Variants in PTPN4 observed in about 807,000 individuals in gnomAD.
PTPN4 encodes protein tyrosine phosphatase non-receptor type 4, also known as tyrosine-protein phosphatase non-receptor type 4.
Under a neutral mutation model 135.5 loss-of-function variants are expected in PTPN4, and 49 were observed. The observed-to-expected ratio is 0.36, with a 90% confidence interval of 0.29 to 0.46. PTPN4 has a LOEUF of 0.46. Ranked by LOEUF, PTPN4 falls within the 20% of genes least tolerant of loss-of-function variation. The pLI is 1.00. For missense variants in PTPN4, 860 were observed against 1,101.0 expected (o/e 0.78, Z 3.10); for synonymous variants, 333 against 369.9 (o/e 0.90, Z 1.14).
chr2:119,930,747 G>A (rs1347159084), intron 13 of PTPN4, among the ~76,000 whole-genome samples: 1 of 151,932 alleles, frequency 6.6e-6, no homozygotes, highest in African/African-American at 2.4e-5. Flanking sequence ...AGATCATTAT[G>A]TATCAGAATT....
intron 1 of PTPN4, 48 bp downstream of exon 1, chr2:119,760,432 A>C: frequency 2.6e-6 from 1 of 388,226 alleles, no homozygotes; most frequent in Non-Finnish European, 4.6e-6. Context: ...TGCACGTTGA[A>C]CGGGAGGCTC....
rs148017445 is a variant in PTPN4, at chr2:119,801,986, C to T, written c.-17-7851C>T. Among the ~76,000 whole-genome samples, 480 of 148,188 alleles carry T rather than the reference C, an allele frequency of 3.2e-3. 2 individuals carry two copies. The highest frequency in any genetic ancestry group is 0.011 in the African/African-American group (453 of 40,838). Reference sequence around the variant, plus strand: ...CGCAATCTTGGCTCACTGCAACCTCCGCCTCCTGGGTTCAAGCGATTCTCC... The same window carrying T: ...CGCAATCTTGGCTCACTGCAACCTCTGCCTCCTGGGTTCAAGCGATTCTCC... On this transcript the variant is annotated intron_variant, in intron 1 of 26. Transcript: ENST00000263708.
intron 14 of PTPN4, among the ~76,000 whole-genome samples, chr2:119,934,159 G>A (rs1678948226): frequency 6.6e-6 from 1 of 152,098 alleles, no homozygotes; most frequent in Non-Finnish European, 1.5e-5. Flanking sequence ...AAGAGCATGG[G>A]CCCTGGAATC....
At chr2:119,783,379 G>A (rs866532294) in intron 1 of PTPN4, among the ~76,000 whole-genome samples, 4 of 152,202 alleles carry the variant, frequency 2.6e-5, no homozygotes, top group Admixed American at 1.3e-4. Flanking sequence ...AAAGGTCTCA[G>A]TATATGTGAT....
At chr2:119,804,512 G>A (rs1691433115) in intron 1 of PTPN4, among the ~76,000 whole-genome samples, 1 of 152,100 alleles carries the variant, frequency 6.6e-6, no homozygotes, top group South Asian at 2.1e-4. Flanking sequence ...TCCCACCTGT[G>A]AGTGAGAACA....
chr2:119,846,881 G>C (rs1041741393), intron 2 of PTPN4, among the ~76,000 whole-genome samples: 1 of 144,404 alleles, frequency 6.9e-6, no homozygotes, highest in African/African-American at 2.9e-5. Flanking sequence ...ATATAGCTCA[G>C]TTTCCTCTTT....
intron 14 of PTPN4, among the ~76,000 whole-genome samples, chr2:119,933,947 G>A (rs1678944878): frequency 6.6e-6 from 1 of 151,932 alleles, no homozygotes; most frequent in African/African-American, 2.4e-5. Flanking sequence ...CTTCCCTTTT[G>A]CACAAACAGC....
intron 26 of PTPN4, among the ~76,000 whole-genome samples, chr2:119,974,263 G>T (rs542899547): frequency 2.0e-5 from 3 of 152,170 alleles, no homozygotes; most frequent in Non-Finnish European, 2.9e-5. Context: ...CCAGGCTGGA[G>T]TGCAATGGCG....
intron 13 of PTPN4, among the ~76,000 whole-genome samples, chr2:119,930,829 GTTTTTT>G (rs533782080): frequency 7.2e-6 from 1 of 138,476 alleles, no homozygotes; most frequent in African/African-American, 2.6e-5. Flanking sequence ...CTTGGTAATT[GTTTTTT>G]TTTTTTTAGC....
At chr2:119,898,484 A>C (rs1678356484) in intron 9 of PTPN4, among the ~76,000 whole-genome samples, 1 of 152,188 alleles carries the variant, frequency 6.6e-6, no homozygotes, top group Non-Finnish European at 1.5e-5. Flanking sequence ...TTTCATACAG[A>C]CAATAATAGG....
intron 26 of PTPN4, among the ~76,000 whole-genome samples, chr2:119,969,265 A>C (rs1442259232): frequency 6.6e-6 from 1 of 152,102 alleles, no homozygotes; most frequent in African/African-American, 2.4e-5. Flanking sequence ...CTGCCACCTC[A>C]GCCTCCCAAA....
At chr2:119,808,442 G>A (rs1691521539) in intron 1 of PTPN4, among the ~76,000 whole-genome samples, 1 of 152,074 alleles carries the variant, frequency 6.6e-6, no homozygotes, top group African/African-American at 2.4e-5. Flanking sequence ...AACAGACAGA[G>A]AGCCAAATCA....
At chr2:119,890,479 T>A (rs1678225067) in intron 9 of PTPN4, among the ~76,000 whole-genome samples, 1 of 152,184 alleles carries the variant, frequency 6.6e-6, no homozygotes, top group African/African-American at 2.4e-5. Flanking sequence ...CCATTTTGTA[T>A]CTTTTAAGAG....
At chr2:119,772,762 C>T (rs1690758278) in intron 1 of PTPN4, among the ~76,000 whole-genome samples, 1 of 152,168 alleles carries the variant, frequency 6.6e-6, no homozygotes, top group East Asian at 1.9e-4. Flanking sequence ...TGGTCTTGAA[C>T]TCCTGACCTC....
intron 2 of PTPN4, among the ~76,000 whole-genome samples, chr2:119,850,144 G>T (rs1677570215): frequency 1.3e-5 from 2 of 152,234 alleles, no homozygotes; most frequent in Admixed American, 6.5e-5. Flanking sequence ...AATAAAGTCA[G>T]TTTCTTTGGG....
At position 119,977,592 on chromosome 2, in the gene PTPN4, C is replaced by G. The variant is rs1227266195; in HGVS notation, c.*522C>G. ...CAGCACATTTTTCCCTGCACACCCC[C>G]TGTAGAGACCTGCCTGCTGCTCAGA... On this transcript the variant is annotated 3_prime_UTR_variant, in exon 27 of 27. Coordinates refer to ENST00000263708, the MANE Select transcript of PTPN4 (RefSeq NM_002830.4). The G allele has an allele frequency of 1.3e-5, 2 of 152,292 alleles. No individual in the cohort carries two copies. Among genetic ancestry groups the G allele is most frequent in the Non-Finnish European group, 2.9e-5 (2 of 68,070 alleles). The allele number at this position is 152,292 out of a possible 1,614,324, so 9.4% of individuals were successfully genotyped here.
intron 13 of PTPN4, among the ~76,000 whole-genome samples, chr2:119,931,259 G>C (rs1253393152): frequency 6.6e-6 from 1 of 151,734 alleles, no homozygotes; most frequent in African/African-American, 2.4e-5. Flanking sequence ...CATAAAGCCA[G>C]GCATTTAAAG....
chr2:119,932,392 C>T (rs1274071532), intron 13 of PTPN4, 32 bp from the exon 14 acceptor site: 1 of 1,526,138 alleles, frequency 6.6e-7, no homozygotes, highest in Admixed American at 2.1e-5. Context: ...AAAAATAAAA[C>T]TTTTAACATA....
chr2:119,844,333 GCCGGGCGGGGGGCTGAC>G (rs1411564202), intron 2 of PTPN4, among the ~76,000 whole-genome samples: 1 of 100,864 alleles, frequency 9.9e-6, no homozygotes, highest in African/African-American at 4.3e-5. Context: ...GGGGCGGCTG[GCCGGGCGGGGGGCTGAC>G]CCCCCCCCCC....
Sources: gnomAD v4.1 joint callset for allele counts (sites outside exome capture counted in the v4.1 genomes callset) on GRCh38, gnomAD v4.1.1 for gene constraint, MANE v1.5 for transcripts, NCBI Gene and HGNC (gene_info 2026-07-23, HGNC 2026-07-21) for gene names.